MARCHF8: variants seen among roughly 807,000 people sequenced by gnomAD.
MARCHF8 encodes membrane associated ring-CH-type finger 8.
In MARCHF8, 40 loss-of-function variants were observed where a neutral mutation model predicts 51.6. That is an observed-to-expected ratio of 0.77 (90% confidence interval 0.60 to 1.01). The LOEUF is 1.01. Among genes scored for constraint, MARCHF8 ranks in the 50% least tolerant of loss-of-function variants. The probability of loss-of-function intolerance (pLI) is 0.00; values close to 1 mark genes in which losing one functional copy is unlikely to be tolerated. For synonymous variants in MARCHF8, 263 were observed against 280.3 expected (o/e 0.94, Z 0.62); for missense variants, 685 against 708.6 (o/e 0.97, Z 0.38).
At chr10:45,462,728 C>T (rs1447446007) in intron 5 of MARCHF8, among the ~76,000 whole-genome samples, 2 of 151,946 alleles carry the variant, frequency 1.3e-5, no homozygotes, top group Non-Finnish European at 2.9e-5. Flanking sequence ...CGGGTTCAAG[C>T]AATTCTCCTG....
intron 3 of MARCHF8, among the ~76,000 whole-genome samples, chr10:45,476,123 C>G (rs554573720): frequency 6.6e-6 from 1 of 152,140 alleles, no homozygotes; most frequent in Admixed American, 6.5e-5. Flanking sequence ...TTACACCAGA[C>G]GTGCAGAGAT....
chr10:45,543,935 A>G (rs80021398), intron 1 of MARCHF8, among the ~76,000 whole-genome samples: 5,339 of 152,154 alleles, frequency 0.035, 139 homozygotes, highest in Non-Finnish European at 0.052. Context: ...CCAGGCTCTC[A>G]TATGTGCCTG....
chr10:45,524,838 C>A (rs530937863), intron 2 of MARCHF8, among the ~76,000 whole-genome samples: 3 of 151,960 alleles, frequency 2.0e-5, no homozygotes, highest in African/African-American at 7.3e-5. Flanking sequence ...AACCGCCTTT[C>A]GAAGTAGTGG....
intron 2 of MARCHF8, among the ~76,000 whole-genome samples, chr10:45,517,260 CAAG>C (rs1237797756): frequency 6.6e-6 from 1 of 152,158 alleles, no homozygotes; most frequent in Admixed American, 6.5e-5. Flanking sequence ...TTCCCCATCC[CAAG>C]AATAGTAATA....
intron 2 of MARCHF8, among the ~76,000 whole-genome samples, chr10:45,518,220 A>T (rs1451273205): frequency 6.6e-6 from 1 of 152,178 alleles, no homozygotes; most frequent in Non-Finnish European, 1.5e-5. Flanking sequence ...GATGGTTATC[A>T]GGCAAGTCCT....
At chr10:45,475,867 G>C (rs1338057503) in intron 3 of MARCHF8, among the ~76,000 whole-genome samples, 4 of 152,106 alleles carry the variant, frequency 2.6e-5, no homozygotes, top group Non-Finnish European at 5.9e-5. Flanking sequence ...CTGGGACCAA[G>C]GACAGGCCAA....
intron 1 of MARCHF8, among the ~76,000 whole-genome samples, chr10:45,556,837 T>C (rs986529454): frequency 2.0e-5 from 3 of 152,142 alleles, no homozygotes; most frequent in African/African-American, 7.2e-5. Context: ...GTGATCCAAC[T>C]TGTAGTAAAG....
intron 3 of MARCHF8, among the ~76,000 whole-genome samples, chr10:45,477,241 A>G (rs1228589995): frequency 6.6e-6 from 1 of 152,236 alleles, no homozygotes; most frequent in African/African-American, 2.4e-5. Context: ...TATCCATCCA[A>G]GTTATCACTC....
intron 1 of MARCHF8, among the ~76,000 whole-genome samples, chr10:45,555,458 T>C (rs1411524313): frequency 6.6e-6 from 1 of 151,996 alleles, no homozygotes; most frequent in East Asian, 1.9e-4. Context: ...ACATGCTGGC[T>C]GGGCGTGATG....
intron 2 of MARCHF8, among the ~76,000 whole-genome samples, chr10:45,516,333 TAG>T (rs1422121166): frequency 1.3e-5 from 2 of 152,210 alleles, no homozygotes; most frequent in Non-Finnish European, 2.9e-5. Context: ...TTATTTTTTG[TAG>T]AGACAGGGTC....
At chr10:45,541,054 T>C (rs1184972510) in intron 1 of MARCHF8, among the ~76,000 whole-genome samples, 3 of 152,190 alleles carry the variant, frequency 2.0e-5, no homozygotes, top group African/African-American at 4.8e-5. Flanking sequence ...TTTGACCCAG[T>C]GATCCCATTA....
chr10:45,571,253 A>G lies in MARCHF8; in HGVS notation c.-79+22982T>C, dbSNP rs113180097. On this transcript the variant is annotated intron_variant, in intron 1 of 6. Transcript: ENST00000319836. ...TACATCAAGATGGCCTGAAGTAACT[A>G]AAGAATCACAAAAGAAGTGAAAATA... Among the ~76,000 whole-genome samples the G allele has an allele frequency of 1.1e-4, 16 of 152,298 alleles. 2 individuals are homozygous for G. The highest frequency in any genetic ancestry group is 2.2e-4 in the African/African-American group (9 of 41,566).
intron 2 of MARCHF8, among the ~76,000 whole-genome samples, chr10:45,532,376 A>T (rs942620533): frequency 6.6e-6 from 1 of 152,148 alleles, no homozygotes; most frequent in African/African-American, 2.4e-5. Context: ...CCCCATGTAC[A>T]CACTATTATG....
chr10:45,460,740 G>C (rs1019198249), intron 6 of MARCHF8, among the ~76,000 whole-genome samples: 1 of 152,146 alleles, frequency 6.6e-6, no homozygotes, highest in Non-Finnish European at 1.5e-5. Context: ...TGCACATCAC[G>C]CAACGTTTGT....
At chr10:45,580,003 C>CAAAAAAAAAAAA (rs34446338) in intron 1 of MARCHF8, among the ~76,000 whole-genome samples, 1 of 36,438 alleles carries the variant, frequency 2.7e-5, no homozygotes. Context: ...ACTCCGTCTC[C>CAAAAAAAAAAAA]AAAAAAAAAA....
chr10:45,528,753 AT>A (rs1481156572), intron 2 of MARCHF8, among the ~76,000 whole-genome samples: 4 of 152,246 alleles, frequency 2.6e-5, no homozygotes, highest in Non-Finnish European at 2.9e-5. Context: ...CTACAAAAAA[AT>A]AATAAAATAC....
Position 45,463,156 on chromosome 10 carries a change from G to C in MARCHF8, c.1083C>G (p.Val361=). ...PISPVSTSGD[V]CRICHCEGDD... Reference sequence around the variant, plus strand: ...GCACTTCCTGGCAAACCAACCTGCAGACATCCCCTGACGTGGACACGGGAG... The same window carrying C: ...GCACTTCCTGGCAAACCAACCTGCACACATCCCCTGACGTGGACACGGGAG... Residue 361 remains valine (V), a synonymous_variant, in exon 5 of 8, where the codon GTC becomes GTG. Coordinates refer to ENST00000453424, the MANE Select transcript of MARCHF8 (RefSeq NM_001282866.2). 6.5e-7 allele frequency: 1 copy of C among 1,548,600 alleles called. No individual in the cohort carries two copies. The highest frequency in any genetic ancestry group is 8.7e-7 in the Non-Finnish European group (1 of 1,145,714).
chr10:45,575,970 C>T (rs2044485290), intron 1 of MARCHF8, among the ~76,000 whole-genome samples: 1 of 152,186 alleles, frequency 6.6e-6, no homozygotes, highest in Non-Finnish European at 1.5e-5. Flanking sequence ...ATGGCCCCAC[C>T]CCTTTCTCCC....
intron 1 of MARCHF8, among the ~76,000 whole-genome samples, chr10:45,581,829 G>A (rs1156792127): frequency 6.6e-6 from 1 of 150,932 alleles, no homozygotes; most frequent in Non-Finnish European, 1.5e-5. Flanking sequence ...AGCTTTCAAA[G>A]ATCACTCAAA....
Sources: allele counts gnomAD v4.1 joint callset (sites outside exome capture counted in the v4.1 genomes callset), GRCh38; gene constraint gnomAD v4.1.1; transcripts MANE v1.5; gene names NCBI Gene and HGNC (gene_info 2026-07-23, HGNC 2026-07-21).